Variants in SRPK2 observed in about 807,000 individuals in gnomAD.
SRPK2 encodes the protein SFRS protein kinase 2.
SRPK2 carries 21 observed loss-of-function variants against 90.8 expected under a neutral mutation model. That is an observed-to-expected ratio of 0.23 (90% CI 0.16 to 0.33). SRPK2 has a LOEUF of 0.33. Among genes scored for constraint, SRPK2 ranks in the 10% least tolerant of loss-of-function variants. The probability of loss-of-function intolerance (pLI) is 1.00; values close to 1 mark genes in which losing one functional copy is unlikely to be tolerated. For synonymous variants in SRPK2, 288 were observed against 311.1 expected, an observed-to-expected ratio of 0.93 and a Z score of 0.78; for missense variants, 620 against 869.0, an observed-to-expected ratio of 0.71 and a Z score of 3.60.
chr7:105,318,233 T>C (rs922467077), intron 2 of SRPK2, among the ~76,000 whole-genome samples: 1 of 152,128 alleles, frequency 6.6e-6, no homozygotes, highest in African/African-American at 2.4e-5. Flanking sequence ...TAGCTGGGAT[T>C]ACAGGCGCAC....
intron 7 of SRPK2, among the ~76,000 whole-genome samples, chr7:105,159,470 A>AAAAAAAAAAAAACAAAC (rs1563005939): frequency 6.7e-6 from 1 of 149,002 alleles, no homozygotes; most frequent in Non-Finnish European, 1.5e-5. Flanking sequence ...AAAAAAAAAA[A>AAAAAAAAAAAAACAAAC]AAACCGTACA....
At chr7:105,259,074 T>C (rs987651298) in intron 2 of SRPK2, among the ~76,000 whole-genome samples, 11 of 152,162 alleles carry the variant, frequency 7.2e-5, no homozygotes, top group African/African-American at 2.7e-4. Context: ...GGGTATTCAA[T>C]TAGGAAAAGA....
intron 7 of SRPK2, among the ~76,000 whole-genome samples, chr7:105,150,713 CAA>C (rs1805520564): frequency 1.3e-5 from 2 of 152,010 alleles, no homozygotes; most frequent in Non-Finnish European, 2.9e-5. Context: ...ATCTGAACAA[CAA>C]AAGAGATTCT....
At chr7:105,294,046 C>T (rs1159320256) in intron 2 of SRPK2, among the ~76,000 whole-genome samples, 1 of 152,178 alleles carries the variant, frequency 6.6e-6, no homozygotes, top group African/African-American at 2.4e-5. Flanking sequence ...ATACAACATA[C>T]AACATAGCCA....
chr7:105,136,772 A>T (rs1802871108), intron 11 of SRPK2, among the ~76,000 whole-genome samples: 1 of 152,208 alleles, frequency 6.6e-6, no homozygotes, highest in African/African-American at 2.4e-5. Context: ...GAGGAGGTTC[A>T]CTATGAGGCC....
chr7:105,227,978 T>C (rs1196757674), intron 2 of SRPK2, among the ~76,000 whole-genome samples: 1 of 152,046 alleles, frequency 6.6e-6, no homozygotes, highest in Non-Finnish European at 1.5e-5. Flanking sequence ...TACTTTACTA[T>C]TTCTAGCCTA....
chr7:105,144,024 C>T (rs1804178158), intron 9 of SRPK2: 1 of 152,202 alleles, frequency 6.6e-6, no homozygotes, highest in African/African-American at 2.4e-5. Flanking sequence ...CCTCTTGTTC[C>T]AGAACTTACA....
Position 105,382,371 on chromosome 7 carries a change from G to A in SRPK2, c.71+6277C>T, listed in dbSNP as rs538403715. Among the ~76,000 whole-genome samples, 7 of 151,544 alleles carry A rather than the reference G, an allele frequency of 4.6e-5. No homozygotes were observed. In the East Asian group the frequency reaches 1.2e-3, roughly 25 times the overall value. ...AGCTCGAGACCAGCCTGACCAAAGTGGAGAAACCCCGTCTCTACTTAAAAT... is the reference window on the plus strand; with the variant it reads ...AGCTCGAGACCAGCCTGACCAAAGTAGAGAAACCCCGTCTCTACTTAAAAT... On this transcript the variant is annotated intron_variant, in intron 2 of 15. Coordinates refer to ENST00000393651, the MANE Select transcript of SRPK2 (RefSeq NM_182692.3).
chr7:105,390,617 T>TG (rs1214511707), upstream of SRPK2, among the ~76,000 whole-genome samples: 1,831 of 148,600 alleles, frequency 0.012, 29 homozygotes, highest in African/African-American at 0.03. Flanking sequence ...GTTTTTTTTT[T>TG]TTTTTTTTTT....
intron 2 of SRPK2, among the ~76,000 whole-genome samples, chr7:105,206,752 C>T (rs949290933): frequency 2.0e-5 from 3 of 152,030 alleles, no homozygotes; most frequent in African/African-American, 4.8e-5. Context: ...GACTCAGTAC[C>T]CAAAAAAGTA....
chr7:105,133,184 G>GT, intron 11 of SRPK2, 80 bp from the exon 12 acceptor site: 1 of 1,311,678 alleles, frequency 7.6e-7, no homozygotes, highest in South Asian at 1.2e-5. Flanking sequence ...GCCAGGGTCA[G>GT]TCTCCTTTCC....
intron 2 of SRPK2, among the ~76,000 whole-genome samples, chr7:105,218,621 T>A (rs1046015512): frequency 9.2e-5 from 14 of 152,238 alleles, no homozygotes; most frequent in African/African-American, 2.9e-4. Context: ...CCTCCACTTA[T>A]AATAAATGAT....
intron 2 of SRPK2, among the ~76,000 whole-genome samples, chr7:105,241,643 A>G (rs1800829004): frequency 6.6e-6 from 1 of 152,216 alleles, no homozygotes; most frequent in Non-Finnish European, 1.5e-5. Flanking sequence ...TCTATCCAAT[A>G]TATTTTGCTG....
chr7:105,235,792 C>T (rs577817920), intron 2 of SRPK2, among the ~76,000 whole-genome samples: 1 of 152,066 alleles, frequency 6.6e-6, no homozygotes, highest in African/African-American at 2.4e-5. Context: ...AGATTGAAAC[C>T]ATTTCCATTT....
chr7:105,118,544 ATGAC>A (rs763742735), intron 15 of SRPK2, among the ~76,000 whole-genome samples: 60 of 152,346 alleles, frequency 3.9e-4, no homozygotes, highest in Non-Finnish European at 6.5e-4. Context: ...ACATAACAGA[ATGAC>A]TAACAAGCTA....
At chr7:105,183,945 C>T (rs1585092157) in intron 3 of SRPK2, among the ~76,000 whole-genome samples, 1 of 149,888 alleles carries the variant, frequency 6.7e-6, no homozygotes, top group Non-Finnish European at 1.5e-5. Context: ...GATTCCATAA[C>T]TAAAAAGAGT....
chr7:105,225,668 T>A (rs1464596493), intron 2 of SRPK2, among the ~76,000 whole-genome samples: 2 of 152,238 alleles, frequency 1.3e-5, no homozygotes, highest in African/African-American at 4.8e-5. Context: ...ATTTATAAAG[T>A]TTAATAGGCT....
intron 2 of SRPK2, among the ~76,000 whole-genome samples, chr7:105,214,522 T>C (rs1251273400): frequency 6.6e-6 from 1 of 152,208 alleles, no homozygotes; most frequent in Non-Finnish European, 1.5e-5. Context: ...TCTAAATGTC[T>C]ATCAATAGGA....
At chr7:105,129,577 G>T (rs1401800963) in intron 13 of SRPK2, among the ~76,000 whole-genome samples, 2 of 151,902 alleles carry the variant, frequency 1.3e-5, no homozygotes, top group Non-Finnish European at 2.9e-5. Context: ...GTTTTGCCAT[G>T]TTGGCCAGGC....
Sources: gnomAD v4.1 joint callset for allele counts (sites outside exome capture counted in the v4.1 genomes callset) on GRCh38, gnomAD v4.1.1 for gene constraint, MANE v1.5 for transcripts, NCBI Gene and HGNC (gene_info 2026-07-23, HGNC 2026-07-21) for gene names.